The following TAS2R1 variants were observed in gnomAD, a reference collection of about 807,000 sequenced individuals.
TAS2R1 encodes the protein taste receptor type 2 member 1.
For missense variants in TAS2R1, 370 were observed against 353.4 expected (o/e 1.05, Z -0.38); for synonymous variants, 141 against 134.2 (o/e 1.05, Z -0.35).
the TAS2R1 span, among the ~76,000 whole-genome samples, chr5:9,757,473 C>T: frequency 5.8e-3 from 890 of 152,230 alleles, 5 homozygotes; most frequent in Middle Eastern, 0.034. Context: ...CAGAATAGCA[C>T]GGCTCATGAA....
rs760172148 is a variant in TAS2R1, at chr5:9,629,861, GAAA to G, written c.169_171del (p.Phe57del). On this transcript the variant is annotated inframe_deletion, in exon 1 of 1. Transcript: ENST00000382492. ...TTAACGTAGAAGATGAACAACTGCA[GAAA>G]AATTCTAGAAACTGCCAGACAAGAA... is the stretch of plus-strand genomic sequence containing the variant. 1 of 1,613,442 alleles carries G rather than the reference GAAA, an allele frequency of 6.2e-7. No individual in the cohort carries two copies. The highest frequency in any genetic ancestry group is 1.3e-5 in the African/African-American group (1 of 74,810).
chr5:9,856,119 A>G, the TAS2R1 span, among the ~76,000 whole-genome samples: 1 of 152,242 alleles, frequency 6.6e-6, no homozygotes, highest in Non-Finnish European at 1.5e-5. Context: ...GAAGCAACTA[A>G]GAATGCTAGA....
chr5:9,807,946 G>T, the TAS2R1 span, among the ~76,000 whole-genome samples: 1 of 149,396 alleles, frequency 6.7e-6, no homozygotes, highest in Non-Finnish European at 1.5e-5. Flanking sequence ...AAAAAAAAAA[G>T]TAGCCCAAGT....
Position 9,649,446 on chromosome 5 carries a change from T to C in TAS2R1, c.-81+9975A>G, listed in dbSNP as rs565427365. ...CATCTTTAATTGTATGACCTCATTG[T>C]AGTTGCACAGGGAGACTCCAGCTAC... On this transcript the variant is annotated intron_variant, in intron 2 of 2. Coordinates refer to the TAS2R1 transcript ENST00000506620. Among the ~76,000 whole-genome samples the C allele has an allele frequency of 2.6e-5, 4 of 152,352 alleles. No homozygotes were observed. The East Asian group carries it at 7.7e-4, about 29-fold the overall frequency.
At chr5:9,657,867 G>T (rs1295958169) in intron 2 of TAS2R1, among the ~76,000 whole-genome samples, 1 of 152,128 alleles carries the variant, frequency 6.6e-6, no homozygotes, top group Non-Finnish European at 1.5e-5. Flanking sequence ...ACTGAAAAAA[G>T]ATTAAAATGG....
the TAS2R1 span, among the ~76,000 whole-genome samples, chr5:9,830,820 G>A: frequency 1.3e-5 from 2 of 152,100 alleles, no homozygotes; most frequent in East Asian, 3.9e-4. Flanking sequence ...TATTTTCATG[G>A]TCACAAAGAT....
chr5:9,751,904 T>C, the TAS2R1 span, among the ~76,000 whole-genome samples: 4 of 152,350 alleles, frequency 2.6e-5, no homozygotes, highest in East Asian at 7.7e-4. Flanking sequence ...CAGTTTAACT[T>C]GCATTCTAAT....
At chr5:9,804,323 C>G in the TAS2R1 span, among the ~76,000 whole-genome samples, 2 of 152,068 alleles carry the variant, frequency 1.3e-5, no homozygotes, top group African/African-American at 4.8e-5. Flanking sequence ...ACTGACAGCA[C>G]CAGATGGGTC....
At chr5:9,714,437 C>A (rs1291224927), upstream of TAS2R1, among the ~76,000 whole-genome samples, 1 of 152,180 alleles carries the variant, frequency 6.6e-6, no homozygotes, top group South Asian at 2.1e-4. Flanking sequence ...AAGCACAGAA[C>A]GCAGGCTTTG....
the TAS2R1 span, among the ~76,000 whole-genome samples, chr5:9,797,548 C>T: frequency 6.6e-6 from 1 of 152,120 alleles, no homozygotes. Flanking sequence ...AAAAATATCT[C>T]CTACCCAGCC....
the TAS2R1 span, among the ~76,000 whole-genome samples, chr5:9,892,270 A>C: frequency 6.6e-6 from 1 of 152,236 alleles, no homozygotes. Context: ...CGCTGGGCTC[A>C]GTCTTTGAAA....
At chr5:9,665,810 A>G (rs968679257) in intron 1 of TAS2R1, among the ~76,000 whole-genome samples, 1 of 152,274 alleles carries the variant, frequency 6.6e-6, no homozygotes, top group Non-Finnish European at 1.5e-5. Flanking sequence ...AAATAAAAGT[A>G]AAGGAACATA....
the TAS2R1 span, among the ~76,000 whole-genome samples, chr5:9,725,660 C>T: frequency 1.2e-4 from 19 of 152,308 alleles, no homozygotes; most frequent in East Asian, 2.7e-3. Flanking sequence ...CGAGCACCGC[C>T]CCCTGCTCCA....
chr5:9,725,360 G>A, the TAS2R1 span, among the ~76,000 whole-genome samples: 4 of 152,366 alleles, frequency 2.6e-5, no homozygotes, highest in East Asian at 1.9e-4. Context: ...TGGGCCAGTG[G>A]GAGTTCTGGG....
At chr5:9,901,423 G>A in the TAS2R1 span, among the ~76,000 whole-genome samples, 4 of 152,108 alleles carry the variant, frequency 2.6e-5, no homozygotes, top group Non-Finnish European at 5.9e-5. Flanking sequence ...GCACAGGGGC[G>A]TTCATTCTTC....
At chr5:9,790,027 G>C in the TAS2R1 span, among the ~76,000 whole-genome samples, 1 of 152,206 alleles carries the variant, frequency 6.6e-6, no homozygotes, top group Admixed American at 6.5e-5. Flanking sequence ...CTCTGCTCAT[G>C]TTCTTTGCCA....
At chr5:9,892,068 C>T in the TAS2R1 span, among the ~76,000 whole-genome samples, 1 of 152,132 alleles carries the variant, frequency 6.6e-6, no homozygotes, top group Non-Finnish European at 1.5e-5. Flanking sequence ...ATATGGGCCC[C>T]AACACACACA....
At chr5:9,835,880 A>C in the TAS2R1 span, among the ~76,000 whole-genome samples, 1 of 152,106 alleles carries the variant, frequency 6.6e-6, no homozygotes, top group Non-Finnish European at 1.5e-5. Context: ...TTTAGGAAAA[A>C]CCCTATAAAT....
the TAS2R1 span, among the ~76,000 whole-genome samples, chr5:9,854,877 A>G: frequency 2.3e-4 from 35 of 152,252 alleles, no homozygotes; most frequent in Non-Finnish European, 4.6e-4. Context: ...CTACATAAAA[A>G]GATTTGAGTT....
Sources: allele counts gnomAD v4.1 joint callset (sites outside exome capture counted in the v4.1 genomes callset), GRCh38; gene constraint gnomAD v4.1.1; transcripts MANE v1.5; gene names NCBI Gene and HGNC (gene_info 2026-07-23, HGNC 2026-07-21).